Variants in MAGOHB observed in about 807,000 individuals in gnomAD.
MAGOHB encodes mago homolog B, exon junction complex subunit, also known as protein mago nashi homolog 2.
MAGOHB carries 15 observed loss-of-function variants against 20.9 expected under a neutral mutation model. The observed-to-expected ratio is 0.72, with a 90% CI of 0.48 to 1.11. MAGOHB has a LOEUF of 1.11. Ranked by LOEUF, MAGOHB falls within the 50% of genes least tolerant of loss-of-function variation. MAGOHB has a pLI of 0.00. For synonymous variants in MAGOHB, 50 were observed against 57.9 expected (o/e 0.86, Z 0.62); for missense variants, 162 against 177.6 (o/e 0.91, Z 0.50).
At chr12:10,609,522 T>C in intron 3 of MAGOHB, 1 of 398,626 alleles carries the variant, frequency 2.5e-6, no homozygotes, top group East Asian at 5.7e-5. Flanking sequence ...CATAGTCATA[T>C]TCTTAATAAA....
intron 1 of MAGOHB, chr12:10,612,794 C>A: frequency 1.6e-6 from 2 of 1,285,600 alleles, no homozygotes; most frequent in Non-Finnish European, 2.0e-6. Flanking sequence ...CTGTTGCACA[C>A]TACTTGGGTA....
chr12:10,611,480 C>T (rs1865735556), intron 1 of MAGOHB, among the ~76,000 whole-genome samples: 1 of 152,038 alleles, frequency 6.6e-6, no homozygotes. Flanking sequence ...GGCACAGTGG[C>T]TCATGCCTGT....
At chr12:10,607,174 T>C (rs773466793) in intron 4 of MAGOHB, among the ~76,000 whole-genome samples, 1 of 152,190 alleles carries the variant, frequency 6.6e-6, no homozygotes, top group Non-Finnish European at 1.5e-5. Flanking sequence ...CTAACAAATA[T>C]TTATTGAAAG....
At position 10,606,172 on chromosome 12, in the gene MAGOHB, T is replaced by A. The variant is rs1865626034; in HGVS notation, c.*103A>T. On this transcript the variant is annotated 3_prime_UTR_variant, in exon 5 of 5. Coordinates refer to ENST00000320756, the MANE Select transcript of MAGOHB (RefSeq NM_018048.5). ...TCTTATTTTCAGTTTACATACAAAT[T>A]TTTTTTGTTTGCTTCACATTCATAA... is the stretch of plus-strand genomic sequence containing the variant. 2 of 599,894 alleles carry A rather than the reference T, an allele frequency of 3.3e-6. No homozygotes were observed. The highest frequency in any genetic ancestry group is 5.7e-6 in the Non-Finnish European group (2 of 351,892). The allele number at this position is 599,894 out of a possible 1,614,324, so 37.2% of individuals were successfully genotyped here.
intron 1 of MAGOHB, 115 bp downstream of exon 1, chr12:10,613,324 G>A (rs1053097727): frequency 1.0e-5 from 9 of 866,272 alleles, no homozygotes; most frequent in Middle Eastern, 2.2e-4. Flanking sequence ...CTATTCTTAA[G>A]CTCCTATTTC....
chr12:10,610,966 C>T (rs60461379), intron 1 of MAGOHB, among the ~76,000 whole-genome samples: 5,915 of 152,214 alleles, frequency 0.039, 379 homozygotes, highest in African/African-American at 0.13. Context: ...GAAAGAGAAT[C>T]TGCAAAAGGC....
chr12:10,609,290 G>A, intron 3 of MAGOHB: 1 of 375,896 alleles, frequency 2.7e-6, no homozygotes, highest in South Asian at 2.0e-5. Flanking sequence ...TTCTCCAAGA[G>A]TTGAAAAGAC....
downstream of MAGOHB, among the ~76,000 whole-genome samples, chr12:10,599,880 T>G (rs180694389): frequency 5.9e-5 from 9 of 152,138 alleles, no homozygotes; most frequent in South Asian, 1.9e-3. Flanking sequence ...AAAACTAATA[T>G]CATTAACAAA....
chr12:10,610,687 G>A lies in MAGOHB; in HGVS notation c.95-7C>T. On this transcript the variant is annotated splice_polypyrimidine_tract_variant and splice_region_variant and intron_variant, in intron 1 of 4. Coordinates refer to ENST00000320756, the MANE Select transcript of MAGOHB (RefSeq NM_018048.5). ...TTGGCATATCTAAGCTTTCCTGTGGGAAGTGGAAAAAAATCAATTTATAAT... is the reference window on the plus strand; with the variant it reads ...TTGGCATATCTAAGCTTTCCTGTGGAAAGTGGAAAAAAATCAATTTATAAT... The A allele has an allele frequency of 1.3e-6, 2 of 1,571,014 alleles. No homozygotes were observed. Among genetic ancestry groups the A allele is most frequent in the Non-Finnish European group, 1.7e-6 (2 of 1,166,906 alleles).
downstream of MAGOHB, among the ~76,000 whole-genome samples, chr12:10,603,172 G>C (rs1234048366): frequency 6.6e-6 from 1 of 152,088 alleles, no homozygotes; most frequent in Non-Finnish European, 1.5e-5. Context: ...AAATTAGCCA[G>C]GCGTGGTGGC....
chr12:10,603,596 G>T (rs1330198188), downstream of MAGOHB, among the ~76,000 whole-genome samples: 1 of 151,498 alleles, frequency 6.6e-6, no homozygotes, highest in Non-Finnish European at 1.5e-5. Flanking sequence ...AAATAGTTAA[G>T]CTGATCTGTA....
intron 3 of MAGOHB, chr12:10,608,608 A>AAAC (rs1487705350): frequency 1.3e-5 from 2 of 151,668 alleles, no homozygotes; most frequent in Non-Finnish European, 2.9e-5. Flanking sequence ...GTAAAAAAAA[A>AAAC]AAAAAAAAAC....
chr12:10,610,203 G>A lies in MAGOHB; in HGVS notation c.154-262C>T, dbSNP rs76820969. Among the ~76,000 whole-genome samples the A allele has an allele frequency of 7.5e-3, 1,138 of 152,104 alleles. 8 individuals are homozygous for A. Among genetic ancestry groups the A allele is most frequent in the African/African-American group, 0.026 (1,082 of 41,480 alleles). The stretch of plus-strand genomic sequence containing the variant: ...CTGTATTCTGCCTTTGCAACACTGA[G>A]ATCCAAATACCCACAAGTGGTTAAC... On this transcript the variant is annotated intron_variant, in intron 2 of 4. Transcript: ENST00000320756.
chr12:10,603,436 CCCAACTGAACCTCTAGTAATTGAT>C (rs1419170778), downstream of MAGOHB, among the ~76,000 whole-genome samples: 1 of 151,978 alleles, frequency 6.6e-6, no homozygotes, highest in African/African-American at 2.4e-5. Context: ...CATACATTGT[CCCAACTGAACCTCTAGTAATTGAT>C]CAAACAGCAA....
chr12:10,612,761 G>A lies in MAGOHB; in HGVS notation c.94+678C>T, dbSNP rs73261992. 3.0e-3 allele frequency: 3,779 copies of A among 1,247,278 alleles called. 94 individuals are homozygous for A. The African/African-American group carries it at 0.054, about 18-fold the overall frequency. 77.3% of individuals were successfully genotyped at this position (1,247,278 alleles called of 1,614,324 possible). A position where few individuals can be genotyped will look rare whatever the true frequency, so the allele number is the denominator to read the frequency against. On this transcript the variant is annotated intron_variant, in intron 1 of 4. Transcript: ENST00000320756. Reference sequence around the variant, plus strand: ...GCAAGATCAATGTAACATTCTCTAAGGATAGCGCTGTCAGAAAACACACTG... The same window carrying A: ...GCAAGATCAATGTAACATTCTCTAAAGATAGCGCTGTCAGAAAACACACTG...
At chr12:10,599,784 C>G (rs1366058998), downstream of MAGOHB, 2 of 152,112 alleles carry the variant, frequency 1.3e-5, no homozygotes, top group African/African-American at 2.4e-5. Context: ...ACTAACCAAC[C>G]ACTTAGTACT....
At chr12:10,607,807 G>T in intron 4 of MAGOHB, 47 bp downstream of exon 4, 2 of 1,002,918 alleles carry the variant, frequency 2.0e-6, no homozygotes, top group Non-Finnish European at 3.1e-6. Context: ...TCTAAAATGA[G>T]CCTCTGTAAT....
intron 4 of MAGOHB, 37 bp from the exon 5 acceptor site, chr12:10,606,411 TAGGATAAAACAA>T: frequency 8.5e-7 from 1 of 1,170,284 alleles, no homozygotes; most frequent in Non-Finnish European, 1.2e-6. Flanking sequence ...TTTTTCTTCC[TAGGATAAAACAA>T]TTCTTTAAAT....
rs748569291 is a variant in MAGOHB, at chr12:10,613,564, G to A, written c.-32C>T. ...ACCCGGGAAGCCCGCCGAAAACGCAGCCAACGTGTCCCCCGGCGCCTTGCA... is the reference window on the plus strand; with the variant it reads ...ACCCGGGAAGCCCGCCGAAAACGCAACCAACGTGTCCCCCGGCGCCTTGCA... On this transcript the variant is annotated 5_prime_UTR_variant, in exon 1 of 5. Transcript: ENST00000320756. The A allele has an allele frequency of 2.7e-6, 4 of 1,472,648 alleles. No homozygotes were observed. The highest frequency in any genetic ancestry group is 1.1e-5 in the South Asian group (1 of 88,272). The allele number at this position is 1,472,648 out of a possible 1,614,324, so 91.2% of individuals were successfully genotyped here.
Sources: allele counts gnomAD v4.1 joint callset (sites outside exome capture counted in the v4.1 genomes callset), GRCh38; gene constraint gnomAD v4.1.1; transcripts MANE v1.5; gene names NCBI Gene and HGNC (gene_info 2026-07-23, HGNC 2026-07-21).